Variants in METTL3 observed in about 807,000 individuals in gnomAD.
METTL3 encodes N(6)-adenosine-methyltransferase catalytic subunit METTL3.
Under a neutral mutation model 64.3 loss-of-function variants are expected in METTL3, and 42 were observed. The observed-to-expected ratio is 0.65, with a 90% confidence interval of 0.51 to 0.84. The LOEUF (loss-of-function observed/expected upper bound fraction) is 0.84, where lower values mean the gene tolerates loss of function less well. METTL3 is among the 40% of genes least tolerant of loss of function. The probability of loss-of-function intolerance (pLI) is 0.00; values close to 1 mark genes in which losing one functional copy is unlikely to be tolerated. For synonymous variants in METTL3, 256 were observed against 263.6 expected (o/e 0.97, Z 0.28); for missense variants, 435 against 722.3 (o/e 0.60, Z 4.56).
chr14:21,505,161 T>C (rs1229190822), intron 1 of METTL3, among the ~76,000 whole-genome samples: 2 of 152,064 alleles, frequency 1.3e-5, no homozygotes, highest in Non-Finnish European at 2.9e-5. Context: ...TTTTAAAAAT[T>C]AGCCACACAA....
At chr14:21,508,276 A>C (rs994351232) in intron 1 of METTL3, 2 of 152,276 alleles carry the variant, frequency 1.3e-5, no homozygotes, top group African/African-American at 4.8e-5. Flanking sequence ...ACACACACAC[A>C]CACAGAAAAG....
chr14:21,500,860 C>G lies in METTL3; in HGVS notation c.1116+53G>C, dbSNP rs1891549846. Reference sequence around the variant, plus strand: ...CTGCTTTCTTAACGTGTATGGCTGCCCTATCAAACATAAGTCCGTAAGTTG... The same window carrying G: ...CTGCTTTCTTAACGTGTATGGCTGCGCTATCAAACATAAGTCCGTAAGTTG... On this transcript the variant is annotated intron_variant, in intron 5 of 10. Coordinates refer to ENST00000298717, the MANE Select transcript of METTL3 (RefSeq NM_019852.5). The G allele has an allele frequency of 1.9e-6, 3 of 1,545,222 alleles. No individual in the cohort carries two copies. In the South Asian group the frequency reaches 3.5e-5, roughly 18 times the overall value.
Position 21,511,174 on chromosome 14 carries a change from G to A in METTL3, c.50C>T (p.Ser17Phe), listed in dbSNP as rs180882072. The A allele has an allele frequency of 5.6e-6, 9 of 1,614,128 alleles. No individual in the cohort carries two copies. In the Admixed American group the frequency reaches 1.0e-4, roughly 18 times the overall value. The part of the protein sequence containing the change: ...SIQAHKKQLD[S>F]LRERLQRRRK... ...CCTCCGCTGCAGCCTCTCCCGCAGA[G>A]AGTCCAGCTGCTTCTTGTGGGCCTG... Residue 17 changes from serine (S) to phenylalanine (F), a missense_variant, in exon 1 of 11, where the codon TCT (serine) becomes TTT (phenylalanine). Around this residue, in one of 9 missense-constraint regions of METTL3, gnomAD observed 228 missense variants for 279.6 expected, o/e 0.82. Transcript: ENST00000298717.
intron 3 of METTL3, 111 bp downstream of exon 3, chr14:21,503,062 C>T: frequency 3.3e-6 from 4 of 1,206,302 alleles, no homozygotes; most frequent in Non-Finnish European, 4.6e-6. Context: ...AGGGAATCAT[C>T]CCCAGTTGAG....
At chr14:21,505,713 G>GAT (rs1891681254) in intron 1 of METTL3, among the ~76,000 whole-genome samples, 3 of 152,192 alleles carry the variant, frequency 2.0e-5, no homozygotes, top group African/African-American at 7.2e-5. Flanking sequence ...TCCAGAAAAT[G>GAT]ATAAGAATCC....
intron 1 of METTL3, among the ~76,000 whole-genome samples, chr14:21,505,961 G>A (rs1413791955): frequency 6.6e-6 from 1 of 152,142 alleles, no homozygotes; most frequent in East Asian, 1.9e-4. Flanking sequence ...ACATCTATAT[G>A]CACATCTTCA....
At position 21,500,974 on chromosome 14, in the gene METTL3, T is replaced by G; in HGVS notation, c.1055A>C (p.Glu352Ala). The G allele has an allele frequency of 6.2e-7, 1 of 1,614,180 alleles. No individual in the cohort carries two copies. The highest frequency in any genetic ancestry group is 8.5e-7 in the Non-Finnish European group (1 of 1,180,024). The change falls in exon 5 of 11, where the codon GAG (glutamate) becomes GCG (alanine). Residue 352 changes from glutamate (E) to alanine (A), a missense_variant. Glu to Ala is a moderately radical substitution (Grantham distance 107, BLOSUM62 -1). Coordinates refer to ENST00000298717, the MANE Select transcript of METTL3 (RefSeq NM_019852.5). Reference sequence around the variant, plus strand: ...TCCGACACTCTGTGTAAGAGCAAGCTCCTGGCTTGGCGTGTGGTCTTTGCT... The same window carrying G: ...TCCGACACTCTGTGTAAGAGCAAGCGCCTGGCTTGGCGTGTGGTCTTTGCT... ...PGSKDHTPSQ[E>A]LALTQSVGGD...
chr14:21,503,600 G>T, intron 2 of METTL3, 23 bp from the exon 3 acceptor site: 1 of 1,613,310 alleles, frequency 6.2e-7, no homozygotes, highest in South Asian at 1.1e-5. Context: ...GGGAGGTATG[G>T]GCAATAAGAC....
In METTL3 at chr14:21,500,929, C is replaced by T. The variant is rs746758372; in HGVS notation, c.1100G>A (p.Arg367Gln). 1.2e-6 allele frequency: 2 copies of T among 1,613,570 alleles called. No homozygotes were observed. The highest frequency in any genetic ancestry group is 1.7e-6 in the Non-Finnish European group (2 of 1,179,712). ...GACAGGTACCTGAGGTGGGAAGAGT[C>T]GGTCTGCACTGGAATCACCTCCGAC... ...QSVGGDSSADRLFPPQWICCD... is the reference protein window; with the variant it reads ...QSVGGDSSADQLFPPQWICCD... The change falls in exon 5 of 11, where the codon CGA (arginine) becomes CAA (glutamine). Residue 367 changes from arginine to glutamine, a missense_variant. Physicochemically the swap from Arg to Gln is conservative, Grantham distance 43. This residue lies in a region of METTL3 where 67 missense variants were observed against 71.5 expected (regional missense o/e 0.94). Transcript: ENST00000298717.
intron 3 of METTL3, 44 bp downstream of exon 3, chr14:21,503,129 A>G: frequency 1.3e-6 from 2 of 1,552,696 alleles, no homozygotes; most frequent in Non-Finnish European, 1.7e-6. Context: ...AAACAAAGCT[A>G]TAATTAAGAG....
At position 21,499,345 on chromosome 14, in the gene METTL3, G is replaced by A; in HGVS notation, c.1479C>T (p.Gly493=). 1 of 1,614,198 alleles carries A rather than the reference G, an allele frequency of 6.2e-7. No individual in the cohort carries two copies. The highest frequency in any genetic ancestry group is 8.5e-7 in the Non-Finnish European group (1 of 1,180,038). ...CLVGVKGNPQ[G]FNQGLDCDVI... is the part of the protein sequence containing the mutation. The stretch of plus-strand genomic sequence containing the variant: ...CATCACAATCCAGACCCTGGTTGAA[G>A]CCTTGGGGATTTCCTTTGACACCAA... Residue 493 remains glycine (G), a synonymous_variant, in exon 9 of 11, where the codon GGC becomes GGT. Transcript: ENST00000298717.
At chr14:21,508,452 G>C (rs1037855402) in intron 1 of METTL3, among the ~76,000 whole-genome samples, 1 of 152,138 alleles carries the variant, frequency 6.6e-6, no homozygotes, top group Non-Finnish European at 1.5e-5. Context: ...AAGTATCAAG[G>C]CTCTAGTAGT....
chr14:21,509,976 A>G (rs1891793514), intron 1 of METTL3, among the ~76,000 whole-genome samples: 1 of 152,186 alleles, frequency 6.6e-6, no homozygotes, highest in South Asian at 2.1e-4. Flanking sequence ...TCTAGGTCCT[A>G]TATAGCCATA....
In METTL3 at chr14:21,500,666, A is replaced by G. The variant is rs748154817; in HGVS notation, c.1133T>C (p.Ile378Thr). ...CAAGATACTGACGTCCAGGTAGCGG[A>G]TATCACAACAGATCCACTGCATAAA... ...LFPPQWICCDIRYLDVSILGK... is the reference protein window; with the variant it reads ...LFPPQWICCDTRYLDVSILGK... The change falls in exon 6 of 11, where the codon ATC (isoleucine) becomes ACC (threonine). Residue 378 changes from isoleucine (I) to threonine (T), a missense_variant. This residue lies in a region of METTL3 where 67 missense variants were observed against 71.5 expected (regional missense o/e 0.94). Transcript: ENST00000298717. The G allele has an allele frequency of 6.2e-7, 1 of 1,613,834 alleles. No individual in the cohort carries two copies. Among genetic ancestry groups the G allele is most frequent in the South Asian group, 1.1e-5 (1 of 91,054 alleles).
intron 1 of METTL3, among the ~76,000 whole-genome samples, chr14:21,509,157 T>C (rs1224314095): frequency 6.6e-6 from 1 of 151,658 alleles, no homozygotes; most frequent in East Asian, 2.0e-4. Flanking sequence ...CTGGGCAACA[T>C]GGTGAAACCC....
At chr14:21,506,279 G>A (rs1205226232) in intron 1 of METTL3, among the ~76,000 whole-genome samples, 2 of 151,974 alleles carry the variant, frequency 1.3e-5, no homozygotes, top group Non-Finnish European at 2.9e-5. Context: ...TCGGCCGGGC[G>A]TGGTTGGCTC....
intron 1 of METTL3, 96 bp from the exon 2 acceptor site, chr14:21,503,977 C>A: frequency 8.7e-7 from 1 of 1,153,362 alleles, no homozygotes; most frequent in Non-Finnish European, 1.2e-6. Flanking sequence ...ATACACAGAT[C>A]TTTCATTTTG....
chr14:21,503,431 G>A lies in METTL3; in HGVS notation c.465C>T (p.Ala155=), dbSNP rs1002119876. The A allele has an allele frequency of 6.2e-7, 1 of 1,613,988 alleles. No homozygotes were observed. Among genetic ancestry groups the A allele is most frequent in the African/African-American group, 1.3e-5 (1 of 74,912 alleles). ...TCTTTTCTGCCACAGCACCCATCAT[G>A]GCAGAGAGCTTGGAATGGTCAGCAT... ...VTYADHSKLS[A]MMGAVAEKKG... The change falls in exon 3 of 11, where the codon GCC becomes GCT. Residue 155 remains alanine (A), a synonymous_variant. Coordinates refer to ENST00000298717, the MANE Select transcript of METTL3 (RefSeq NM_019852.5).
rs777524467 is a variant in METTL3, at chr14:21,503,553, C to T, written c.343G>A (p.Gly115Arg). ...AACTTCTGCAGGAGGCTTTCTACCC[C>T]ATCTTGAGTGGCAGGAGCATCTGGC... ...STPDAPATQDGVESLLQKFAA... is the reference protein window; with the variant it reads ...STPDAPATQDRVESLLQKFAA... The change falls in exon 3 of 11, where the codon GGG becomes AGG. Residue 115 changes from glycine to arginine, a missense_variant. Transcript: ENST00000298717. 8.7e-6 allele frequency: 14 copies of T among 1,612,654 alleles called. No individual in the cohort carries two copies. Among genetic ancestry groups the T allele is most frequent in the Middle Eastern group, 1.7e-4 (1 of 6,060 alleles).
Sources: gnomAD v4.1 joint callset for allele counts (sites outside exome capture counted in the v4.1 genomes callset) on GRCh38, gnomAD v4.1.1 for gene constraint, gnomAD v4.1.1 regional missense constraint, MANE v1.5 for transcripts, NCBI Gene and HGNC (gene_info 2026-07-23, HGNC 2026-07-21) for gene names.